RYR2: variants seen among roughly 807,000 people sequenced by gnomAD.
RYR2 encodes ryanodine receptor 2, also known as cardiac muscle ryanodine receptor-calcium release channel.
In RYR2, 227 loss-of-function variants were observed where a neutral mutation model predicts 601.1. The ratio of observed to expected loss-of-function variants is 0.38; its 90% CI spans 0.34 to 0.42. The LOEUF is 0.42. Among genes scored for constraint, RYR2 ranks in the 10% least tolerant of loss-of-function variants. The pLI, the probability that RYR2 is intolerant of heterozygous loss-of-function variation, is 1.00. For missense variants in RYR2, 4,646 were observed against 6,156.5 expected, an observed-to-expected ratio of 0.75 and a Z score of 8.21; for synonymous variants, 2,223 against 2,175.1, an observed-to-expected ratio of 1.02 and a Z score of -0.61.
chr1:237,310,741 G>T (rs931664151), intron 2 of RYR2, among the ~76,000 whole-genome samples: 11 of 151,942 alleles, frequency 7.2e-5, no homozygotes, highest in African/African-American at 2.7e-4. Flanking sequence ...GATACTTTTT[G>T]GTTTACAATA....
intron 87 of RYR2, among the ~76,000 whole-genome samples, chr1:237,777,371 A>G (rs1446012580): frequency 6.6e-6 from 1 of 152,204 alleles, no homozygotes; most frequent in Non-Finnish European, 1.5e-5. Context: ...GACAGGAAAA[A>G]GTTCTATTTC....
intron 1 of RYR2, among the ~76,000 whole-genome samples, chr1:237,190,234 A>C (rs1248326610): frequency 6.6e-6 from 1 of 152,032 alleles, no homozygotes; most frequent in Non-Finnish European, 1.5e-5. Flanking sequence ...TTCCACCAAC[A>C]GTGCGTAGTG....
rs762729094 is a variant in RYR2 at position 237,602,049 on chromosome 1, C to T, written c.4621C>T (p.Pro1541Ser). 1.2e-6 allele frequency: 2 copies of T among 1,612,416 alleles called. No homozygotes were observed. The highest frequency in any genetic ancestry group is 3.3e-5 in the Admixed American group (2 of 59,918). Residue 1541 changes from proline to serine, a missense_variant, in exon 35 of 105, where the codon CCT (proline) becomes TCT (serine). Coordinates refer to ENST00000366574, the MANE Select transcript of RYR2 (RefSeq NM_001035.3). Reference protein sequence around the residue: ...YQVEPSTKLFPAVFAQATSPN... With the variant: ...YQVEPSTKLFSAVFAQATSPN... ...GGTGGAACCGAGTACAAAATTATTT[C>T]CTGCGGTTTTTGCACAAGCTACAAG... is the stretch of plus-strand genomic sequence containing the variant.
In RYR2 at chr1:237,590,090, A is replaced by G. The variant is rs2805410; in HGVS notation, c.3807+89A>G. 0.46 allele frequency: 552,185 copies of G among 1,195,958 alleles called. 131,804 individuals carry two copies. Among genetic ancestry groups the G allele is most frequent in the Admixed American group, 0.56 (23,211 of 41,540 alleles). The allele number at this position is 1,195,958 out of a possible 1,614,324, so 74.1% of individuals were successfully genotyped here. A position where few individuals can be genotyped will look rare whatever the true frequency, so the allele number is the denominator to read the frequency against. On this transcript the variant is annotated intron_variant, in intron 30 of 104. Transcript: ENST00000366574. Reference sequence around the variant, plus strand: ...AGGAACTTCTGCTTAGACAATTATTATGACTTACTTAAAATGATGACCTTG... The same window carrying G: ...AGGAACTTCTGCTTAGACAATTATTGTGACTTACTTAAAATGATGACCTTG...
At chr1:237,356,937 T>C (rs1331952962) in intron 4 of RYR2, among the ~76,000 whole-genome samples, 2 of 152,172 alleles carry the variant, frequency 1.3e-5, no homozygotes, top group African/African-American at 4.8e-5. Context: ...TATTTTATCT[T>C]CATTATTTTT....
At chr1:237,609,965 A>G (rs1323878593) in intron 35 of RYR2, among the ~76,000 whole-genome samples, 2 of 152,170 alleles carry the variant, frequency 1.3e-5, no homozygotes, top group Non-Finnish European at 2.9e-5. Flanking sequence ...AGAGGGCAAT[A>G]GGAAAGCAGT....
At chr1:237,418,785 C>T (rs1705264651) in intron 11 of RYR2, among the ~76,000 whole-genome samples, 1 of 151,886 alleles carries the variant, frequency 6.6e-6, no homozygotes, top group South Asian at 2.1e-4. Flanking sequence ...TTAAAAAGCT[C>T]TTCTATATTG....
At chr1:237,683,617 G>T (rs749171373) in intron 62 of RYR2, among the ~76,000 whole-genome samples, 5 of 152,190 alleles carry the variant, frequency 3.3e-5, no homozygotes, top group African/African-American at 4.8e-5. Context: ...TAGGGGAAAG[G>T]TAGGTTATAT....
chr1:237,792,363 G>A, intron 94 of RYR2, 40 bp downstream of exon 94: 2 of 890,290 alleles, frequency 2.2e-6, no homozygotes, highest in Non-Finnish European at 3.4e-6. Context: ...GTGTGTGTGT[G>A]TGTGTGTGTG....
At chr1:237,395,691 C>T (rs910348183) in intron 10 of RYR2, among the ~76,000 whole-genome samples, 3 of 151,812 alleles carry the variant, frequency 2.0e-5, no homozygotes, top group African/African-American at 7.3e-5. Flanking sequence ...GGACTACAGG[C>T]ACCCGCCACC....
intron 25 of RYR2, among the ~76,000 whole-genome samples, chr1:237,536,738 T>C (rs1444673338): frequency 1.6e-5 from 1 of 62,280 alleles, no homozygotes; most frequent in Non-Finnish European, 3.3e-5. Flanking sequence ...AAAAAAAAAT[T>C]AGCCGGGCAT....
chr1:237,762,365 A>G (rs1343447702), intron 84 of RYR2, among the ~76,000 whole-genome samples: 3 of 152,206 alleles, frequency 2.0e-5, no homozygotes, highest in African/African-American at 7.2e-5. Context: ...GCCTACCTCC[A>G]GCATCTCTCC....
rs4258212 is a variant in RYR2, at chr1:237,454,099, A to C, written c.1293-292A>C. ...TGTGTAGTGCTTTCCAATGAAAATC[A>C]ACTGGTTTCTGAACATTCCTACTAT... On this transcript the variant is annotated intron_variant, in intron 14 of 104. Coordinates refer to ENST00000366574, the MANE Select transcript of RYR2 (RefSeq NM_001035.3). 0.52 allele frequency among the ~76,000 whole-genome samples: 79,747 copies of C among 151,914 alleles called. 22,403 individuals carry two copies. Among genetic ancestry groups the C allele is most frequent in the East Asian group, 0.8 (4,117 of 5,152 alleles).
Position 237,212,050 on chromosome 1 carries a change from A to C in RYR2, c.49-58447A>C, listed in dbSNP as rs988902654. 2.0e-5 allele frequency among the ~76,000 whole-genome samples: 3 copies of C among 151,172 alleles called. No individual in the cohort carries two copies. In the East Asian group the frequency reaches 5.9e-4, roughly 30 times the overall value. Reference sequence around the variant, plus strand: ...TCTCCTTGGCAGATGGCTAAGCATTAAATTGCAGACATCTCTCTTGTTTTT... The same window carrying C: ...TCTCCTTGGCAGATGGCTAAGCATTCAATTGCAGACATCTCTCTTGTTTTT... On this transcript the variant is annotated intron_variant, in intron 1 of 104. Coordinates refer to ENST00000366574, the MANE Select transcript of RYR2 (RefSeq NM_001035.3).
chr1:237,661,352 G>T (rs556063526), intron 56 of RYR2, among the ~76,000 whole-genome samples: 64 of 152,184 alleles, frequency 4.2e-4, no homozygotes, highest in Non-Finnish European at 7.8e-4. Context: ...GTCAGGGAGT[G>T]GGGGGCTAGG....
chr1:237,549,530 C>CA (rs1409889507), intron 26 of RYR2, among the ~76,000 whole-genome samples: 1 of 150,232 alleles, frequency 6.7e-6, no homozygotes, highest in Non-Finnish European at 1.5e-5. Flanking sequence ...GACTCTGTTT[C>CA]AAAACAACAA....
At chr1:237,701,748 G>C (rs1319189667) in intron 65 of RYR2, among the ~76,000 whole-genome samples, 2 of 151,592 alleles carry the variant, frequency 1.3e-5, no homozygotes, top group African/African-American at 2.4e-5. Context: ...ACATGGTTTA[G>C]TACCCACTTA....
In RYR2 at chr1:237,702,070, T is replaced by A; in HGVS notation, c.9449+11T>A. 6.7e-7 allele frequency: 1 copy of A among 1,495,012 alleles called. No homozygotes were observed. Among genetic ancestry groups the A allele is most frequent in the Non-Finnish European group, 9.3e-7 (1 of 1,073,698 alleles). 92.6% of individuals were successfully genotyped at this position (1,495,012 alleles called of 1,614,324 possible). A position where few individuals can be genotyped will look rare whatever the true frequency, so the allele number is the denominator to read the frequency against. ...TATTTACGTGGAGAGGTAAGAATGT[T>A]TAAAGTTTAACTTTGTATTAATTGC... On this transcript the variant is annotated intron_variant, in intron 66 of 104. Transcript: ENST00000366574.
chr1:237,206,781 C>G (rs1681865871), intron 1 of RYR2, among the ~76,000 whole-genome samples: 1 of 152,132 alleles, frequency 6.6e-6, no homozygotes, highest in African/African-American at 2.4e-5. Flanking sequence ...GGGCATTCAC[C>G]AATCTACTAT....
Sources: allele counts gnomAD v4.1 joint callset (sites outside exome capture counted in the v4.1 genomes callset), GRCh38; gene constraint gnomAD v4.1.1; transcripts MANE v1.5; gene names NCBI Gene and HGNC (gene_info 2026-07-23, HGNC 2026-07-21).